Variants in IFNGR2 observed in about 807,000 individuals in gnomAD.
IFNGR2 encodes interferon gamma receptor 2.
A neutral mutation model predicts 41.1 loss-of-function variants in IFNGR2; 15 were observed. The ratio of observed to expected loss-of-function variants is 0.37; its 90% CI spans 0.24 to 0.56. IFNGR2 has a LOEUF of 0.56. Ranked by LOEUF, IFNGR2 falls within the 20% of genes least tolerant of loss-of-function variation. IFNGR2 has a pLI of 0.81. For missense variants in IFNGR2, 362 were observed against 415.7 expected, an observed-to-expected ratio of 0.87 and a Z score of 1.12; for synonymous variants, 161 against 171.6, an observed-to-expected ratio of 0.94 and a Z score of 0.48.
At chr21:33,412,740 G>A (rs1173658597) in intron 1 of IFNGR2, among the ~76,000 whole-genome samples, 1 of 152,156 alleles carries the variant, frequency 6.6e-6, no homozygotes, top group Non-Finnish European at 1.5e-5. Context: ...ATTTTTAGTA[G>A]AGACAGGGTT....
intron 4 of IFNGR2, 152 bp downstream of exon 4, chr21:33,427,184 C>T: frequency 1.3e-6 from 1 of 744,440 alleles, no homozygotes; most frequent in African/African-American, 1.8e-5. Context: ...TTTCATTGTC[C>T]TCTTCAAGAC....
intron 4 of IFNGR2, among the ~76,000 whole-genome samples, chr21:33,428,208 C>CG (rs1178409603): frequency 1.8e-4 from 17 of 95,216 alleles, no homozygotes; most frequent in Non-Finnish European, 2.6e-4. Context: ...ACTTCTCCTT[C>CG]ATTTTTTTTT....
chr21:33,417,938 A>C (rs138613162), intron 2 of IFNGR2, among the ~76,000 whole-genome samples: 2 of 152,274 alleles, frequency 1.3e-5, no homozygotes, highest in African/African-American at 4.8e-5. Context: ...TCATTTGATA[A>C]ACTAACCTGT....
chr21:33,418,041 G>C lies in IFNGR2; in HGVS notation c.206+3021G>C, dbSNP rs192354420. The stretch of plus-strand genomic sequence containing the variant: ...TTTTATTTATTTATTTATTTATTTT[G>C]AGACAGAGTCTCGCTCTGTCATCCA... On this transcript the variant is annotated intron_variant, in intron 2 of 6. Coordinates refer to ENST00000290219, the MANE Select transcript of IFNGR2 (RefSeq NM_005534.4). 2.5e-3 allele frequency among the ~76,000 whole-genome samples: 378 copies of C among 151,466 alleles called. 1 individual carries two copies. Among genetic ancestry groups the C allele is most frequent in the African/African-American group, 9.0e-3 (370 of 41,262 alleles).
chr21:33,432,949 A>C (rs2083904978), intron 6 of IFNGR2, 78 bp downstream of exon 6: 1 of 1,220,788 alleles, frequency 8.2e-7, no homozygotes, highest in African/African-American at 1.5e-5. Context: ...GTCATGGTAC[A>C]ATCTCTGCTC....
At chr21:33,428,236 C>CT (rs1568960819) in intron 4 of IFNGR2, among the ~76,000 whole-genome samples, 1 of 128,442 alleles carries the variant, frequency 7.8e-6, no homozygotes, top group South Asian at 2.4e-4. Context: ...AATTATTGTT[C>CT]TTTTTTTGAG....
chr21:33,437,037 C>T lies in IFNGR2; in HGVS notation c.*75C>T. The T allele has an allele frequency of 1.7e-5, 26 of 1,500,020 alleles. No homozygotes were observed. The highest frequency in any genetic ancestry group is 2.2e-5 in the Non-Finnish European group (24 of 1,079,954). 92.9% of individuals were successfully genotyped at this position (1,500,020 alleles called of 1,614,324 possible). On this transcript the variant is annotated 3_prime_UTR_variant, in exon 7 of 7. Transcript: ENST00000290219. ...CGGAGCTGCTAGAGTTCTGTCTGGA[C>T]TTTCCAGAGACCAGTATTCCCTTTT...
At chr21:33,419,092 CTTTTTA>C (rs1410717281) in intron 2 of IFNGR2, among the ~76,000 whole-genome samples, 4 of 152,012 alleles carry the variant, frequency 2.6e-5, no homozygotes, top group Non-Finnish European at 4.4e-5. Context: ...TTTTATTTTA[CTTTTTA>C]TTTTATCTTA....
intron 3 of IFNGR2, among the ~76,000 whole-genome samples, chr21:33,425,348 G>A (rs2083827196): frequency 6.6e-6 from 1 of 152,198 alleles, no homozygotes; most frequent in African/African-American, 2.4e-5. Flanking sequence ...TGTGAGAGGA[G>A]GCAGATTGTT....
intron 4 of IFNGR2, among the ~76,000 whole-genome samples, chr21:33,427,980 C>G (rs1215634000): frequency 1.3e-5 from 2 of 151,838 alleles, no homozygotes; most frequent in Non-Finnish European, 2.9e-5. Context: ...ATCTGCCCAC[C>G]TTGGCCACCC....
chr21:33,403,377 GGC>G, upstream of IFNGR2: 1 of 213,744 alleles, frequency 4.7e-6, no homozygotes, highest in Non-Finnish European at 8.5e-6. Flanking sequence ...GGGCGCGGGC[GGC>G]CGAGCCGAAT....
chr21:33,407,961 G>A (rs1281504088), intron 1 of IFNGR2, among the ~76,000 whole-genome samples: 1 of 151,106 alleles, frequency 6.6e-6, no homozygotes, highest in African/African-American at 2.4e-5. Flanking sequence ...GGTTATGGCT[G>A]AGGAATCAGA....
intron 4 of IFNGR2, among the ~76,000 whole-genome samples, chr21:33,430,743 A>C (rs2083878933): frequency 6.6e-6 from 1 of 152,128 alleles, no homozygotes; most frequent in African/African-American, 2.4e-5. Context: ...ATGAGCCACC[A>C]TGCCTGGCCT....
At chr21:33,420,300 TG>T (rs1354522549) in intron 2 of IFNGR2, among the ~76,000 whole-genome samples, 1 of 152,168 alleles carries the variant, frequency 6.6e-6, no homozygotes, top group East Asian at 1.9e-4. Context: ...TAGTTGCTGT[TG>T]TAGGGGGATA....
intron 1 of IFNGR2, among the ~76,000 whole-genome samples, chr21:33,405,787 T>C (rs1286617440): frequency 6.6e-6 from 1 of 151,960 alleles, no homozygotes; most frequent in Non-Finnish European, 1.5e-5. Flanking sequence ...TCCCAGCACT[T>C]TGGGAGGCTG....
At chr21:33,421,195 G>A (rs2083788801) in intron 2 of IFNGR2, among the ~76,000 whole-genome samples, 1 of 152,002 alleles carries the variant, frequency 6.6e-6, no homozygotes, top group African/African-American at 2.4e-5. Context: ...ACCTGGGTGT[G>A]GTGGCTCACA....
chr21:33,413,826 CTT>C (rs3057381), intron 1 of IFNGR2, among the ~76,000 whole-genome samples: 1 of 61,728 alleles, frequency 1.6e-5, no homozygotes, highest in Non-Finnish European at 2.8e-5. Context: ...GCCCCCTAAC[CTT>C]TTTTTTTTTT....
chr21:33,403,660 G>A (rs1197077277), intron 1 of IFNGR2, 44 bp downstream of exon 1: 4 of 1,255,916 alleles, frequency 3.2e-6, no homozygotes, highest in South Asian at 2.2e-5. Flanking sequence ...GGGCGCAGCC[G>A]CAGCATGTGG....
In IFNGR2 at chr21:33,426,591, C is replaced by A. The variant is rs940295803; in HGVS notation, c.413-293C>A. Among the ~76,000 whole-genome samples the A allele has an allele frequency of 2.0e-5, 3 of 151,372 alleles. No homozygotes were observed. In the Admixed American group the frequency reaches 2.0e-4, roughly 10 times the overall value. ...AATTAGCCAGGCATGGTGGCACACGCCTGTTGTAATCCCAGCTACTTGAGA... is the reference window on the plus strand; with the variant it reads ...AATTAGCCAGGCATGGTGGCACACGACTGTTGTAATCCCAGCTACTTGAGA... On this transcript the variant is annotated intron_variant, in intron 3 of 6. Coordinates refer to ENST00000290219, the MANE Select transcript of IFNGR2 (RefSeq NM_005534.4).
Sources: gnomAD v4.1 joint callset for allele counts (sites outside exome capture counted in the v4.1 genomes callset) on GRCh38, gnomAD v4.1.1 for gene constraint, MANE v1.5 for transcripts, NCBI Gene and HGNC (gene_info 2026-07-23, HGNC 2026-07-21) for gene names.